The following PAX5 variants were observed in gnomAD, a reference collection of about 807,000 sequenced individuals.
PAX5 encodes the protein paired box 5, also known as paired box protein Pax-5.
A neutral mutation model predicts 43.7 loss-of-function variants in PAX5; 9 were observed. The ratio of observed to expected loss-of-function variants is 0.21; its 90% CI spans 0.12 to 0.36. The LOEUF is 0.36. PAX5 is among the 10% of genes least tolerant of loss of function. PAX5 has a pLI of 1.00. For synonymous variants in PAX5, 228 were observed against 214.3 expected (o/e 1.06, Z -0.56); for missense variants, 383 against 532.7 (o/e 0.72, Z 2.77).
Position 36,966,628 on chromosome 9 carries a change from AGCT to A in PAX5, c.698_700del (p.Gln233del). 1 of 1,614,216 alleles carries A rather than the reference AGCT, an allele frequency of 6.2e-7. No individual in the cohort carries two copies. The highest frequency in any genetic ancestry group is 8.5e-7 in the Non-Finnish European group (1 of 1,180,036). ...CTCAAACACGCGGTCCAGCACCTCC[AGCT>A]GCTGCTGTGTGAACAAGTCTCCCCG... On this transcript the variant is annotated inframe_deletion, in exon 6 of 10. Transcript: ENST00000358127.
chr9:37,034,163 G>C lies in PAX5; in HGVS notation c.-132C>G, dbSNP rs1588296175. ...CCGCTCACAGGTCGGAATAATTCAA[G>C]CCTTCCGCTCCCCCGCCGAGCTGGG... is the stretch of plus-strand genomic sequence containing the variant. On this transcript the variant is annotated 5_prime_UTR_variant, in exon 1 of 10. Coordinates refer to ENST00000358127, the MANE Select transcript of PAX5 (RefSeq NM_016734.3). 1.8e-6 allele frequency: 1 copy of C among 567,412 alleles called. No homozygotes were observed. The highest frequency in any genetic ancestry group is 2.9e-6 in the Non-Finnish European group (1 of 339,038). The allele number at this position is 567,412 out of a possible 1,614,324, so 35.1% of individuals were successfully genotyped here.
At chr9:36,960,349 G>A (rs990057193) in intron 6 of PAX5, among the ~76,000 whole-genome samples, 1 of 152,180 alleles carries the variant, frequency 6.6e-6, no homozygotes, top group East Asian at 1.9e-4. Context: ...CCTGGGAGAG[G>A]CTGGGTCATG....
At chr9:37,018,565 G>A (rs1341093526) in intron 2 of PAX5, among the ~76,000 whole-genome samples, 1 of 6,792 alleles carries the variant, frequency 1.5e-4, no homozygotes, top group East Asian at 4.5e-3. Flanking sequence ...AAATTCTTCA[G>A]TGACCAAAAA....
At chr9:37,010,617 G>A (rs776544729) in intron 3 of PAX5, among the ~76,000 whole-genome samples, 7 of 151,698 alleles carry the variant, frequency 4.6e-5, no homozygotes, top group Non-Finnish European at 8.8e-5. Flanking sequence ...ATCATCCCAC[G>A]CCCCCCGCCC....
intron 7 of PAX5, among the ~76,000 whole-genome samples, chr9:36,895,822 C>T (rs1027588750): frequency 2.0e-5 from 3 of 152,208 alleles, no homozygotes; most frequent in Non-Finnish European, 2.9e-5. Flanking sequence ...CAAAAAGCCC[C>T]TCCTGGGGCT....
chr9:37,010,686 A>T (rs557950023), intron 3 of PAX5, among the ~76,000 whole-genome samples: 1 of 152,264 alleles, frequency 6.6e-6, no homozygotes, highest in South Asian at 2.1e-4. Flanking sequence ...TTGAAAAAGG[A>T]AACAGGAAGA....
chr9:36,888,983 T>G (rs1291540986), intron 7 of PAX5, among the ~76,000 whole-genome samples: 2 of 152,212 alleles, frequency 1.3e-5, no homozygotes, highest in Non-Finnish European at 1.5e-5. Flanking sequence ...TACAACGATC[T>G]GAGCATGGGG....
At chr9:36,875,998 T>C (rs1028885543) in intron 8 of PAX5, among the ~76,000 whole-genome samples, 6 of 152,330 alleles carry the variant, frequency 3.9e-5, no homozygotes, top group African/African-American at 1.2e-4. Context: ...AACTCAAATA[T>C]ATTTGGTCAC....
At chr9:36,992,545 G>C (rs1474853248) in intron 5 of PAX5, among the ~76,000 whole-genome samples, 1 of 152,228 alleles carries the variant, frequency 6.6e-6, no homozygotes, top group African/African-American at 2.4e-5. Context: ...AAGGGGAGAA[G>C]GCTCGGTAGC....
chr9:36,910,080 A>G (rs1235964550), intron 7 of PAX5, among the ~76,000 whole-genome samples: 1 of 151,926 alleles, frequency 6.6e-6, no homozygotes, highest in Non-Finnish European at 1.5e-5. Flanking sequence ...TCTTAATGTT[A>G]AATCTCCTGA....
At chr9:36,984,759 T>C (rs1293207245) in intron 5 of PAX5, among the ~76,000 whole-genome samples, 1 of 152,108 alleles carries the variant, frequency 6.6e-6, no homozygotes, top group Non-Finnish European at 1.5e-5. Context: ...CCCAGCCTCA[T>C]TTTTTCCAAC....
At chr9:36,904,182 T>C (rs1023282175) in intron 7 of PAX5, among the ~76,000 whole-genome samples, 5 of 152,144 alleles carry the variant, frequency 3.3e-5, no homozygotes, top group Non-Finnish European at 7.3e-5. Flanking sequence ...GATGGGAGCA[T>C]CAGCTATCAC....
chr9:36,887,904 T>C (rs1402380055), intron 7 of PAX5, among the ~76,000 whole-genome samples: 3 of 150,508 alleles, frequency 2.0e-5, no homozygotes, highest in Admixed American at 6.6e-5. Context: ...ATCTAGAATA[T>C]ATAAAGAACT....
chr9:36,919,071 C>A, intron 7 of PAX5, among the ~76,000 whole-genome samples: 1 of 152,202 alleles, frequency 6.6e-6, no homozygotes, highest in East Asian at 1.9e-4. Context: ...GCTAATATAG[C>A]TGGTGACTTT....
At chr9:36,867,171 G>C (rs757052938) in intron 8 of PAX5, among the ~76,000 whole-genome samples, 1 of 152,044 alleles carries the variant, frequency 6.6e-6, no homozygotes, top group Non-Finnish European at 1.5e-5. Flanking sequence ...TCTCTACCCA[G>C]GAACCCCACA....
In PAX5 at chr9:37,034,098, C is replaced by CTTTTTTTTTTTTTTTTTTTTT. The variant is rs576653546; in HGVS notation, c.-88_-68dup. On this transcript the variant is annotated 5_prime_UTR_variant, in exon 1 of 10. Coordinates refer to ENST00000358127, the MANE Select transcript of PAX5 (RefSeq NM_016734.3). ...TCCACTTTTTTGTGCCTTTTTTTTT[C>CTTTTTTTTTTTTTTTTTTTTT]TTTTTTTTTTTTTTTTTTTTTTTTT... The CTTTTTTTTTTTTTTTTTTTTT allele has an allele frequency of 5.4e-4, 172 of 320,062 alleles. 12 individuals are homozygous for CTTTTTTTTTTTTTTTTTTTTT. The highest frequency in any genetic ancestry group is 2.8e-3 in the East Asian group (52 of 18,422). The allele number at this position is 320,062 out of a possible 1,614,324, so 19.8% of individuals were successfully genotyped here.
intron 7 of PAX5, among the ~76,000 whole-genome samples, chr9:36,910,296 C>A (rs1829160475): frequency 6.6e-6 from 1 of 152,122 alleles, no homozygotes; most frequent in Non-Finnish European, 1.5e-5. Flanking sequence ...TACGCAAAGG[C>A]AGCATGCTGT....
At chr9:36,892,260 C>T (rs909184495) in intron 7 of PAX5, among the ~76,000 whole-genome samples, 2 of 152,170 alleles carry the variant, frequency 1.3e-5, no homozygotes, top group East Asian at 1.9e-4. Flanking sequence ...TGGGCTAGCT[C>T]GTGACTTTAT....
chr9:36,906,310 AT>A (rs1563952906), intron 7 of PAX5, among the ~76,000 whole-genome samples: 1 of 152,162 alleles, frequency 6.6e-6, no homozygotes, highest in Non-Finnish European at 1.5e-5. Context: ...ACCACAAGAG[AT>A]TTTAGAAACA....
Sources: gnomAD v4.1 joint callset for allele counts (sites outside exome capture counted in the v4.1 genomes callset) on GRCh38, gnomAD v4.1.1 for gene constraint, MANE v1.5 for transcripts, NCBI Gene and HGNC (gene_info 2026-07-23, HGNC 2026-07-21) for gene names.